Variants in GSK3B observed in about 807,000 individuals in gnomAD.
The protein encoded by GSK3B is glycogen synthase kinase-3 beta.
GSK3B carries 15 observed loss-of-function variants against 56.4 expected under a neutral mutation model. That is an observed-to-expected ratio of 0.27 (90% CI 0.18 to 0.41). The LOEUF is 0.41. GSK3B is among the 10% of genes least tolerant of loss of function. The pLI, the probability that GSK3B is intolerant of heterozygous loss-of-function variation, is 1.00. For synonymous variants in GSK3B, 181 were observed against 188.9 expected, an observed-to-expected ratio of 0.96 and a Z score of 0.34; for missense variants, 300 against 513.4, an observed-to-expected ratio of 0.58 and a Z score of 4.02.
intron 7 of GSK3B, among the ~76,000 whole-genome samples, chr3:119,894,131 T>C (rs1426466058): frequency 2.0e-5 from 3 of 152,176 alleles, no homozygotes; most frequent in Non-Finnish European, 2.9e-5. Flanking sequence ...TGGAATTATA[T>C]AATATGTGGC....
chr3:119,909,208 A>C lies in GSK3B; in HGVS notation c.716-3356T>G, dbSNP rs2056712903. Among the ~76,000 whole-genome samples, 3 of 151,966 alleles carry C rather than the reference A, an allele frequency of 2.0e-5. No individual in the cohort carries two copies. The South Asian group carries it at 6.2e-4, about 32-fold the overall frequency. On this transcript the variant is annotated intron_variant, in intron 6 of 10. Transcript: ENST00000264235. ...TAATTTTTGGTAGTGACAGGTTTTC[A>C]CCATGTTGCCCAGGCTGGTCTCGAA...
At chr3:119,837,609 C>CA (rs2055711317) in intron 10 of GSK3B, among the ~76,000 whole-genome samples, 1 of 152,002 alleles carries the variant, frequency 6.6e-6, no homozygotes, top group Admixed American at 6.6e-5. Flanking sequence ...TTTTTAACAG[C>CA]AGAACCATTG....
At chr3:119,985,777 T>G (rs535321376) in intron 2 of GSK3B, among the ~76,000 whole-genome samples, 93 of 152,292 alleles carry the variant, frequency 6.1e-4, no homozygotes, top group African/African-American at 2.1e-3. Context: ...ATTTATAGAT[T>G]CAATGTCATC....
Position 120,090,540 on chromosome 3 carries a change from T to C in GSK3B, c.88+2807A>G, listed in dbSNP as rs539480205. On this transcript the variant is annotated intron_variant, in intron 1 of 10. Transcript: ENST00000264235. The stretch of plus-strand genomic sequence containing the variant: ...TCCAGGCCAGTAACATCAGAATTTA[T>C]TTTTAACTCTTGACTCCTTCACAAA... Among the ~76,000 whole-genome samples the C allele has an allele frequency of 7.2e-5, 11 of 152,320 alleles. 1 individual carries two copies. The East Asian group carries it at 1.7e-3, about 24-fold the overall frequency.
At chr3:119,905,976 C>T (rs2056678680) in intron 6 of GSK3B, 124 bp from the exon 7 acceptor site, 1 of 627,324 alleles carries the variant, frequency 1.6e-6, no homozygotes, top group African/African-American at 1.8e-5. Context: ...TTATACAATC[C>T]AAAACAGAGA....
chr3:119,970,556 G>A (rs560585858), intron 2 of GSK3B, among the ~76,000 whole-genome samples: 9 of 148,324 alleles, frequency 6.1e-5, no homozygotes, highest in Middle Eastern at 3.6e-3. Context: ...TGGATCACAA[G>A]GTCAGGAGTT....
At chr3:119,901,024 G>C (rs1199778078) in intron 7 of GSK3B, among the ~76,000 whole-genome samples, 1 of 152,072 alleles carries the variant, frequency 6.6e-6, no homozygotes, top group African/African-American at 2.4e-5. Context: ...ACCTTCACCA[G>C]CATTATACAA....
At chr3:119,941,719 A>C (rs545428724) in intron 3 of GSK3B, among the ~76,000 whole-genome samples, 2 of 152,356 alleles carry the variant, frequency 1.3e-5, no homozygotes, top group African/African-American at 2.4e-5. Flanking sequence ...ATTAAGTGTT[A>C]ATTTATATGC....
chr3:120,036,411 C>A (rs1397738727), intron 1 of GSK3B, among the ~76,000 whole-genome samples: 1 of 152,022 alleles, frequency 6.6e-6, no homozygotes, highest in East Asian at 1.9e-4. Flanking sequence ...TTGCAATACC[C>A]CCAGAGTATC....
At chr3:119,932,452 T>G (rs865850373) in intron 3 of GSK3B, among the ~76,000 whole-genome samples, 2 of 151,842 alleles carry the variant, frequency 1.3e-5, no homozygotes, top group African/African-American at 4.8e-5. Context: ...TAAGGCAAAT[T>G]TCATCCCTAT....
intron 1 of GSK3B, among the ~76,000 whole-genome samples, chr3:120,080,829 C>CA (rs916815368): frequency 5.0e-4 from 68 of 136,082 alleles, no homozygotes; most frequent in Admixed American, 5.9e-4. Flanking sequence ...GACTCAGTCT[C>CA]AAAAAAAAAA....
chr3:119,888,790 C>A (rs2094514514), intron 7 of GSK3B, among the ~76,000 whole-genome samples: 1 of 152,028 alleles, frequency 6.6e-6, no homozygotes, highest in Non-Finnish European at 1.5e-5. Context: ...GATTAATACT[C>A]TGGGAAAGAA....
At chr3:120,005,223 GAA>G (rs1229560155) in intron 1 of GSK3B, among the ~76,000 whole-genome samples, 1 of 151,472 alleles carries the variant, frequency 6.6e-6, no homozygotes, top group Non-Finnish European at 1.5e-5. Context: ...GACAAGATTA[GAA>G]AAAAAAGAGT....
At chr3:119,842,409 A>T (rs1289422588) in intron 10 of GSK3B, among the ~76,000 whole-genome samples, 1 of 151,564 alleles carries the variant, frequency 6.6e-6, no homozygotes, top group Non-Finnish European at 1.5e-5. Context: ...TCAAATGATT[A>T]AAAAAATGAT....
intron 3 of GSK3B, among the ~76,000 whole-genome samples, chr3:119,937,886 T>C (rs550184966): frequency 5.3e-4 from 80 of 151,902 alleles, no homozygotes; most frequent in African/African-American, 1.7e-3. Context: ...GATGTAGGGA[T>C]AGACTGACAA....
chr3:119,904,429 T>C (rs1434374196), intron 7 of GSK3B, among the ~76,000 whole-genome samples: 1 of 152,150 alleles, frequency 6.6e-6, no homozygotes, highest in Non-Finnish European at 1.5e-5. Context: ...AAAAAGAAGA[T>C]GCAAATACCA....
rs1559817129 is a variant in GSK3B at position 119,872,520 on chromosome 3, A to T, written c.909+3893T>A. On this transcript the variant is annotated intron_variant, in intron 8 of 10. Coordinates refer to ENST00000264235, the MANE Select transcript of GSK3B (RefSeq NM_001146156.2). Reference sequence around the variant, plus strand: ...AGTGACAGCATCACATGTGCTTTTTAAAAAAGCCAACTTTGACAGAAATGA... The same window carrying T: ...AGTGACAGCATCACATGTGCTTTTTTAAAAAGCCAACTTTGACAGAAATGA... 2.6e-5 allele frequency among the ~76,000 whole-genome samples: 4 copies of T among 152,250 alleles called. No homozygotes were observed. In the South Asian group the frequency reaches 6.2e-4, roughly 24 times the overall value.
chr3:119,839,107 A>C (rs2055735044), intron 10 of GSK3B, among the ~76,000 whole-genome samples: 2 of 152,238 alleles, frequency 1.3e-5, no homozygotes, highest in South Asian at 4.1e-4. Flanking sequence ...GAACAATTAC[A>C]TATTCCCAGA....
At chr3:119,920,656 G>A (rs2056831255) in intron 4 of GSK3B, among the ~76,000 whole-genome samples, 1 of 152,022 alleles carries the variant, frequency 6.6e-6, no homozygotes, top group Non-Finnish European at 1.5e-5. Flanking sequence ...TCCTAGTGTT[G>A]GAATTGTTAT....
Sources: gnomAD v4.1 joint callset for allele counts (sites outside exome capture counted in the v4.1 genomes callset) on GRCh38, gnomAD v4.1.1 for gene constraint, MANE v1.5 for transcripts, NCBI Gene and HGNC (gene_info 2026-07-23, HGNC 2026-07-21) for gene names.